ARPC4: variants seen among roughly 807,000 people sequenced by gnomAD.
ARPC4 encodes the protein actin related protein 2/3 complex subunit 4.
In ARPC4, 3 loss-of-function variants were observed where a neutral mutation model predicts 22.8. The ratio of observed to expected loss-of-function variants is 0.13; its 90% CI spans 0.06 to 0.34. The LOEUF (loss-of-function observed/expected upper bound fraction) is 0.34. ARPC4 is among the 10% of genes least tolerant of loss of function. ARPC4 has a pLI of 1.00. For synonymous variants in ARPC4, 80 were observed against 72.5 expected (o/e 1.10, Z -0.52); for missense variants, 98 against 211.0 (o/e 0.46, Z 3.32).
chr3:9,806,308 G>A lies in ARPC4; in HGVS notation c.*93G>A. On this transcript the variant is annotated 3_prime_UTR_variant, in exon 6 of 6. Coordinates refer to ENST00000397261, the MANE Select transcript of ARPC4 (RefSeq NM_005718.5). ...TCACTCCCCGAGCAGCGCGGCGGCGGCAGGGAGTTGGGTTGGGGTGGGCAT... is the reference window on the plus strand; with the variant it reads ...TCACTCCCCGAGCAGCGCGGCGGCGACAGGGAGTTGGGTTGGGGTGGGCAT... The A allele has an allele frequency of 6.9e-7, 1 of 1,457,112 alleles. No individual in the cohort carries two copies. The highest frequency in any genetic ancestry group is 9.6e-7 in the Non-Finnish European group (1 of 1,037,278). The allele number at this position is 1,457,112 out of a possible 1,614,324, so 90.3% of individuals were successfully genotyped here.
intron 1 of ARPC4, among the ~76,000 whole-genome samples, chr3:9,796,959 A>AG (rs2078908203): frequency 1.3e-5 from 2 of 151,544 alleles, no homozygotes; most frequent in Middle Eastern, 3.4e-3. Flanking sequence ...AAAAAAAAAA[A>AG]GAATGTCCTT....
intron 1 of ARPC4, among the ~76,000 whole-genome samples, chr3:9,796,113 G>T (rs1223917515): frequency 6.6e-6 from 1 of 151,978 alleles, no homozygotes; most frequent in African/African-American, 2.4e-5. Context: ...AATAAAAAAG[G>T]CCAGGCACGT....
In ARPC4 at chr3:9,806,311, G is replaced by A; in HGVS notation, c.*96G>A. 1 of 1,453,582 alleles carries A rather than the reference G, an allele frequency of 6.9e-7. No individual in the cohort carries two copies. Among genetic ancestry groups the A allele is most frequent in the Non-Finnish European group, 9.7e-7 (1 of 1,034,078 alleles). 90.0% of individuals were successfully genotyped at this position (1,453,582 alleles called of 1,614,324 possible). On this transcript the variant is annotated 3_prime_UTR_variant, in exon 6 of 6. Coordinates refer to ENST00000397261, the MANE Select transcript of ARPC4 (RefSeq NM_005718.5). ...CTCCCCGAGCAGCGCGGCGGCGGCA[G>A]GGAGTTGGGTTGGGGTGGGCATTTG... is the stretch of plus-strand genomic sequence containing the variant.
chr3:9,800,432 C>CT (rs921108148), intron 3 of ARPC4, 136 bp downstream of exon 3: 852 of 767,848 alleles, frequency 1.1e-3, no homozygotes, highest in Non-Finnish European at 1.3e-3. Flanking sequence ...CCTCTGCTTC[C>CT]TTTTTTTTTG....
intron 5 of ARPC4, among the ~76,000 whole-genome samples, chr3:9,805,521 ATG>A (rs1559730803): frequency 1.3e-5 from 2 of 151,584 alleles, no homozygotes; most frequent in Non-Finnish European, 2.9e-5. Context: ...CGCATGCCTC[ATG>A]TGCAGGGGCT....
intron 1 of ARPC4, 89 bp downstream of exon 1, chr3:9,793,213 C>T (rs1575315495): frequency 2.7e-6 from 4 of 1,473,196 alleles, no homozygotes; most frequent in Non-Finnish European, 2.7e-6. Context: ...GCCGCAGGGG[C>T]GCGGGGCCGA....
chr3:9,797,539 A>G, intron 1 of ARPC4, 120 bp from the exon 2 acceptor site: 1 of 1,069,622 alleles, frequency 9.3e-7, no homozygotes, highest in Non-Finnish European at 1.4e-6. Context: ...TGTTCACAGT[A>G]GTGTCTTAAG....
chr3:9,798,962 C>G (rs534475576), intron 2 of ARPC4, among the ~76,000 whole-genome samples: 1 of 152,150 alleles, frequency 6.6e-6, no homozygotes, highest in Non-Finnish European at 1.5e-5. Flanking sequence ...TTAAATGATA[C>G]GATTTAATTT....
At chr3:9,793,151 G>A in intron 1 of ARPC4, 27 bp downstream of exon 1, 1 of 1,537,746 alleles carries the variant, frequency 6.5e-7, no homozygotes, top group Non-Finnish European at 8.8e-7. Context: ...CCCGGCCAGG[G>A]ACCCCCGGCT....
At chr3:9,798,677 C>T (rs997184926) in intron 2 of ARPC4, among the ~76,000 whole-genome samples, 3 of 152,108 alleles carry the variant, frequency 2.0e-5, no homozygotes, top group Non-Finnish European at 2.9e-5. Flanking sequence ...AGATCGAGAG[C>T]ATCCTGGCCA....
chr3:9,806,341 G>GGGA lies in ARPC4; in HGVS notation c.*129_*131dup. 9.1e-7 allele frequency: 1 copy of GGGA among 1,095,154 alleles called. No individual in the cohort carries two copies. Among genetic ancestry groups the GGGA allele is most frequent in the South Asian group, 1.2e-5 (1 of 80,010 alleles). The allele number at this position is 1,095,154 out of a possible 1,614,324, so 67.8% of individuals were successfully genotyped here. ...TTGGGTTGGGGTGGGCATTTGATGC[G>GGGA]GGAGGTGGGTGGTGTGCTTGCTAGC... is the stretch of plus-strand genomic sequence containing the variant. On this transcript the variant is annotated 3_prime_UTR_variant, in exon 6 of 6. Transcript: ENST00000397261.
intron 5 of ARPC4, among the ~76,000 whole-genome samples, chr3:9,805,316 T>G (rs947603419): frequency 8.5e-5 from 13 of 152,350 alleles, no homozygotes; most frequent in African/African-American, 3.1e-4. Flanking sequence ...ACTGGGGCTT[T>G]AGAAGTAAAA....
intron 4 of ARPC4, among the ~76,000 whole-genome samples, chr3:9,802,729 C>T (rs2079038580): frequency 7.0e-6 from 1 of 143,754 alleles, no homozygotes; most frequent in African/African-American, 2.6e-5. Context: ...GGCTGGAGTG[C>T]AGTGGCGCAG....
rs184522713 is a variant in ARPC4 at position 9,803,641 on chromosome 3, G to A, written c.331-202G>A. 2.5e-3 allele frequency: 1,811 copies of A among 736,556 alleles called. 6 individuals are homozygous for A. Among genetic ancestry groups the A allele is most frequent in the Non-Finnish European group, 3.9e-3 (1,556 of 401,696 alleles). 45.6% of individuals were successfully genotyped at this position (736,556 alleles called of 1,614,324 possible). A position where few individuals can be genotyped will look rare whatever the true frequency, so the allele number is the denominator to read the frequency against. ...GTCTGATACACACAGAATTCTCAAC[G>A]GGGTTCAGTTGCTTGGATCCAACCT... On this transcript the variant is annotated intron_variant, in intron 4 of 5. Coordinates refer to ENST00000397261, the MANE Select transcript of ARPC4 (RefSeq NM_005718.5).
rs186418479 is a variant in ARPC4, at chr3:9,806,485, C to G, written c.*270C>G. ...TTTTTAACGTCTTGAAACTTAAACT[C>G]TGTGCTTGTAGGATACTGTAACCTT... On this transcript the variant is annotated 3_prime_UTR_variant, in exon 6 of 6. Transcript: ENST00000397261. 2 of 533,328 alleles carry G rather than the reference C, an allele frequency of 3.8e-6. No homozygotes were observed. The highest frequency in any genetic ancestry group is 2.0e-5 in the African/African-American group (1 of 50,892). 33.0% of individuals were successfully genotyped at this position (533,328 alleles called of 1,614,324 possible).
chr3:9,796,806 TGGTGG>T (rs1575322907), intron 1 of ARPC4, among the ~76,000 whole-genome samples: 7 of 151,546 alleles, frequency 4.6e-5, no homozygotes, highest in Non-Finnish European at 1.0e-4. Context: ...CCGGGTGTGG[TGGTGG>T]GCGCCTGTAG....
In ARPC4 at chr3:9,806,477, C is replaced by A; in HGVS notation, c.*262C>A. The A allele has an allele frequency of 2.0e-5, 10 of 509,000 alleles. No homozygotes were observed. The highest frequency in any genetic ancestry group is 1.1e-4 in the East Asian group (3 of 27,638). The allele number at this position is 509,000 out of a possible 1,614,324, so 31.5% of individuals were successfully genotyped here. On this transcript the variant is annotated 3_prime_UTR_variant, in exon 6 of 6. Transcript: ENST00000397261. ...ACAGATTTTTTTTAACGTCTTGAAACTTAAACTCTGTGCTTGTAGGATACT... is the reference window on the plus strand; with the variant it reads ...ACAGATTTTTTTTAACGTCTTGAAAATTAAACTCTGTGCTTGTAGGATACT...
chr3:9,805,348 G>T (rs902818343), intron 5 of ARPC4, among the ~76,000 whole-genome samples: 4 of 152,202 alleles, frequency 2.6e-5, no homozygotes, highest in African/African-American at 9.6e-5. Flanking sequence ...AAGTCCCTCA[G>T]CCAGTAAGAG....
intron 1 of ARPC4, among the ~76,000 whole-genome samples, chr3:9,796,745 T>G (rs544178313): frequency 2.2e-4 from 34 of 152,138 alleles, no homozygotes; most frequent in African/African-American, 7.7e-4. Flanking sequence ...ATTGAGACCA[T>G]CCTGGCTAAC....
Sources: allele counts gnomAD v4.1 joint callset (sites outside exome capture counted in the v4.1 genomes callset), GRCh38; gene constraint gnomAD v4.1.1; transcripts MANE v1.5; gene names NCBI Gene and HGNC (gene_info 2026-07-23, HGNC 2026-07-21).